KSR2: variants seen among roughly 807,000 people sequenced by gnomAD.
KSR2 encodes the protein kinase suppressor of ras 2.
In KSR2, 25 loss-of-function variants were observed where a neutral mutation model predicts 107.8. The observed-to-expected ratio is 0.23, with a 90% confidence interval of 0.17 to 0.32. The LOEUF is 0.32. KSR2 is among the 10% of genes least tolerant of loss of function. The probability of loss-of-function intolerance (pLI) is 1.00; values close to 1 mark genes in which losing one functional copy is unlikely to be tolerated. For synonymous variants in KSR2, 480 were observed against 507.0 expected, an observed-to-expected ratio of 0.95 and a Z score of 0.71; for missense variants, 887 against 1,268.9, an observed-to-expected ratio of 0.70 and a Z score of 4.57.
chr12:117,803,878 C>T (rs900564745), intron 3 of KSR2, among the ~76,000 whole-genome samples: 2 of 152,130 alleles, frequency 1.3e-5, no homozygotes, highest in Non-Finnish European at 2.9e-5. Flanking sequence ...TAAGATCATA[C>T]TTAACCAAGG....
At chr12:117,583,426 T>G (rs1159680145) in intron 5 of KSR2, among the ~76,000 whole-genome samples, 2 of 144,230 alleles carry the variant, frequency 1.4e-5, no homozygotes, top group Non-Finnish European at 3.0e-5. Context: ...GATGGATGGA[T>G]GGATGGATGG....
At chr12:117,479,524 TCATTACAGGCCGTTAGCACCCCCCTCC>T (rs1281984677) in intron 16 of KSR2, among the ~76,000 whole-genome samples, 13 of 152,308 alleles carry the variant, frequency 8.5e-5, no homozygotes, top group Admixed American at 8.5e-4. Context: ...TGGCCTCTAC[TCATTACAGGCCGTTAGCACCCCCCTCC>T]CCCTAATCAT....
intron 5 of KSR2, among the ~76,000 whole-genome samples, chr12:117,644,676 T>G (rs949244144): frequency 1.3e-5 from 2 of 152,078 alleles, no homozygotes; most frequent in African/African-American, 4.8e-5. Flanking sequence ...ATGGTGAAAG[T>G]GGGGAAAAGA....
intron 7 of KSR2, among the ~76,000 whole-genome samples, chr12:117,568,332 G>A (rs1283860861): frequency 6.6e-6 from 1 of 152,184 alleles, no homozygotes; most frequent in Non-Finnish European, 1.5e-5. Flanking sequence ...TGGCAGGCTG[G>A]GGGAGGGATG....
Position 117,725,078 on chromosome 12 carries a change from TCTCTCTCA to T in KSR2, c.986+35925_986+35932del, listed in dbSNP as rs1262626507. On this transcript the variant is annotated intron_variant, in intron 4 of 19. Coordinates refer to ENST00000339824, the MANE Select transcript of KSR2 (RefSeq NM_173598.6). The stretch of plus-strand genomic sequence containing the variant: ...TGGCTTAATTCCCTCTCTCTCTCTC[TCTCTCTCA>T]CACACACACACACACACACACACAC... 2.0e-3 allele frequency among the ~76,000 whole-genome samples: 272 copies of T among 135,238 alleles called. 1 individual carries two copies. The highest frequency in any genetic ancestry group is 5.3e-3 in the African/African-American group (198 of 37,154). The allele number at this position is 135,238 out of a possible 152,430, so 88.7% of individuals were successfully genotyped here.
rs142240690 is a variant in KSR2 at position 117,530,727 on chromosome 12, T to C, written c.1802+214A>G. ...GCATAGCTGCTCGTGAGGAACAGCA[T>C]TGCCTCTCTCTCCATCTCTCTGTCT... On this transcript the variant is annotated intron_variant, in intron 12 of 19. Coordinates refer to ENST00000339824, the MANE Select transcript of KSR2 (RefSeq NM_173598.6). Among the ~76,000 whole-genome samples the C allele has an allele frequency of 2.5e-3, 385 of 152,268 alleles. 3 individuals carry two copies. The highest frequency in any genetic ancestry group is 3.7e-3 in the Non-Finnish European group (255 of 68,016).
At chr12:117,894,743 C>G (rs1718933465) in intron 1 of KSR2, among the ~76,000 whole-genome samples, 1 of 115,134 alleles carries the variant, frequency 8.7e-6, no homozygotes, top group Non-Finnish European at 1.7e-5. Context: ...CCCTCTCCCC[C>G]TCCCCCTCTC....
intron 7 of KSR2, among the ~76,000 whole-genome samples, chr12:117,573,614 A>G (rs941279852): frequency 7.4e-6 from 1 of 135,580 alleles, no homozygotes; most frequent in Non-Finnish European, 1.5e-5. Context: ...TGCAACCTCC[A>G]CCTCCTAGGT....
intron 17 of KSR2, among the ~76,000 whole-genome samples, chr12:117,472,726 C>G (rs571830268): frequency 6.6e-6 from 1 of 152,256 alleles, no homozygotes; most frequent in East Asian, 1.9e-4. Context: ...TCAGAAAGCT[C>G]TCAAGAGAAG....
At chr12:117,607,693 A>G (rs144583869) in intron 5 of KSR2, among the ~76,000 whole-genome samples, 2,278 of 145,420 alleles carry the variant, frequency 0.016, 102 homozygotes, top group East Asian at 0.13. Context: ...AGAGGAGAGG[A>G]GAGGGAAGCA....
chr12:117,867,117 A>T (rs937229151), intron 1 of KSR2, among the ~76,000 whole-genome samples: 3 of 151,804 alleles, frequency 2.0e-5, no homozygotes, highest in Admixed American at 6.6e-5. Flanking sequence ...TGAGTTCGAG[A>T]CCAGCCTGGC....
At chr12:117,668,355 T>C (rs558472181) in intron 4 of KSR2, among the ~76,000 whole-genome samples, 1 of 152,324 alleles carries the variant, frequency 6.6e-6, no homozygotes, top group Admixed American at 6.5e-5. Context: ...GAGCCTCAGA[T>C]GGTGCCCACC....
At chr12:117,593,910 T>G (rs1234545972) in intron 5 of KSR2, among the ~76,000 whole-genome samples, 1 of 152,260 alleles carries the variant, frequency 6.6e-6, no homozygotes, top group Non-Finnish European at 1.5e-5. Flanking sequence ...AGGACAGAAC[T>G]GTCTAGGTCC....
intron 9 of KSR2, among the ~76,000 whole-genome samples, chr12:117,550,834 C>T (rs1337720460): frequency 2.0e-5 from 1 of 50,488 alleles, no homozygotes; most frequent in Admixed American, 2.7e-4. Context: ...GAACAATGGC[C>T]TATGGGCTGC....
chr12:117,837,486 T>C (rs1190457156), intron 3 of KSR2, among the ~76,000 whole-genome samples: 1 of 152,060 alleles, frequency 6.6e-6, no homozygotes, highest in Non-Finnish European at 1.5e-5. Flanking sequence ...AAGAAAACAC[T>C]GGGAGGAAAA....
At chr12:117,955,652 T>A (rs1296543708) in intron 1 of KSR2, among the ~76,000 whole-genome samples, 5 of 151,982 alleles carry the variant, frequency 3.3e-5, no homozygotes, top group Non-Finnish European at 7.4e-5. Flanking sequence ...ATCAAACGCA[T>A]CCATCTTTGG....
chr12:117,493,857 G>T (rs1268007321), intron 14 of KSR2, among the ~76,000 whole-genome samples: 1 of 152,094 alleles, frequency 6.6e-6, no homozygotes, highest in Non-Finnish European at 1.5e-5. Context: ...GATCTAATGG[G>T]TTTATCAGGG....
At chr12:117,595,485 C>T (rs1281522190) in intron 5 of KSR2, among the ~76,000 whole-genome samples, 1 of 150,990 alleles carries the variant, frequency 6.6e-6, no homozygotes, top group Non-Finnish European at 1.5e-5. Flanking sequence ...CTGCCTCAGC[C>T]TCCTGAGTAG....
Position 117,930,953 on chromosome 12 carries a change from A to G in KSR2, c.180+37123T>C, listed in dbSNP as rs189013125. On this transcript the variant is annotated intron_variant, in intron 1 of 19. Coordinates refer to ENST00000339824, the MANE Select transcript of KSR2 (RefSeq NM_173598.6). ...ACAAATAAATAAATAAATAGGGTTG[A>G]TGTGGATCTTTCAAACATCTTTGTC... Among the ~76,000 whole-genome samples the G allele has an allele frequency of 2.8e-4, 42 of 152,246 alleles. No individual in the cohort carries two copies. In the East Asian group the frequency reaches 7.9e-3, roughly 29 times the overall value.
Sources: gnomAD v4.1 joint callset for allele counts (sites outside exome capture counted in the v4.1 genomes callset) on GRCh38, gnomAD v4.1.1 for gene constraint, MANE v1.5 for transcripts, NCBI Gene and HGNC (gene_info 2026-07-23, HGNC 2026-07-21) for gene names.